PRKCQ: variants seen among roughly 807,000 people sequenced by gnomAD.
The protein encoded by PRKCQ is protein kinase C theta type.
PRKCQ carries 41 observed loss-of-function variants against 91.2 expected under a neutral mutation model. The ratio of observed to expected loss-of-function variants is 0.45; its 90% confidence interval spans 0.35 to 0.58. PRKCQ has a LOEUF of 0.58. Ranked by LOEUF, PRKCQ falls within the 20% of genes least tolerant of loss-of-function variation. The pLI is 0.00. For synonymous variants in PRKCQ, 307 were observed against 316.9 expected (o/e 0.97, Z 0.33); for missense variants, 673 against 896.5 (o/e 0.75, Z 3.18).
At chr10:6,463,670 A>G (rs953408249) in intron 13 of PRKCQ, among the ~76,000 whole-genome samples, 25 of 152,318 alleles carry the variant, frequency 1.6e-4, no homozygotes, top group African/African-American at 5.3e-4. Flanking sequence ...CGCTGAGCAA[A>G]GGAAGCTAGC....
chr10:6,441,772 T>C, intron 16 of PRKCQ, 121 bp downstream of exon 16: 1 of 1,046,920 alleles, frequency 9.6e-7, no homozygotes, highest in Non-Finnish European at 1.4e-6. Context: ...ACATCCCATT[T>C]AAACCCAGTT....
the PRKCQ span, among the ~76,000 whole-genome samples, chr10:6,400,744 T>A: frequency 1.3e-5 from 2 of 148,834 alleles, no homozygotes; most frequent in South Asian, 4.2e-4. Flanking sequence ...ATCTGCCAGC[T>A]GGCATGCACC....
intron 1 of PRKCQ, among the ~76,000 whole-genome samples, chr10:6,536,835 A>G (rs11259434): frequency 0.08 from 12,150 of 152,300 alleles, 574 homozygotes; most frequent in Middle Eastern, 0.11. Flanking sequence ...AGAATTAAAA[A>G]CAGCCAGAGC....
intron 2 of PRKCQ, 73 bp from the exon 3 acceptor site, chr10:6,511,267 T>TTGAGTTG: frequency 7.4e-7 from 1 of 1,353,038 alleles, no homozygotes. Context: ...AACTCAACAG[T>TTGAGTTG]AGCACCTGCT....
chr10:6,576,717 T>G lies in PRKCQ; in HGVS notation c.-10+3494A>C, dbSNP rs1841251918. 6.6e-6 allele frequency among the ~76,000 whole-genome samples: 1 copy of G among 152,204 alleles called. No individual in the cohort carries two copies. Among genetic ancestry groups the G allele is most frequent in the African/African-American group, 2.4e-5 (1 of 41,452 alleles). On this transcript the variant is annotated intron_variant, in intron 1 of 17. Coordinates refer to ENST00000263125, the MANE Select transcript of PRKCQ (RefSeq NM_006257.5). The surrounding 1 kb of genome is among the most constrained non-coding windows in gnomAD (Gnocchi z 4.2). ...AAGTTAAATTTTAAGTTATGTGTAT[T>G]TTAACCACAATAAAAAAGTTAACTG...
chr10:6,445,032 G>T (rs1042269630), intron 15 of PRKCQ, among the ~76,000 whole-genome samples: 2 of 144,752 alleles, frequency 1.4e-5, no homozygotes, highest in Non-Finnish European at 3.0e-5. Context: ...GCTGAGGCAG[G>T]AGAATCGCTT....
intron 9 of PRKCQ, 69 bp from the exon 10 acceptor site, chr10:6,485,338 G>T: frequency 2.5e-6 from 3 of 1,211,064 alleles, no homozygotes; most frequent in Non-Finnish European, 2.4e-6. Flanking sequence ...GCCTGCTAAC[G>T]ATGGGGACAA....
At chr10:6,534,471 T>C (rs990913117) in intron 1 of PRKCQ, among the ~76,000 whole-genome samples, 1 of 152,092 alleles carries the variant, frequency 6.6e-6, no homozygotes, top group Admixed American at 6.6e-5. Flanking sequence ...ATATGAATTA[T>C]GAAGCAGATC....
chr10:6,402,608 C>T, the PRKCQ span, among the ~76,000 whole-genome samples: 3 of 152,182 alleles, frequency 2.0e-5, no homozygotes, highest in African/African-American at 7.2e-5. Context: ...TCCGAGCTTT[C>T]TTGTATAAAG....
chr10:6,455,286 C>A (rs1367594433), intron 15 of PRKCQ, among the ~76,000 whole-genome samples: 1 of 151,998 alleles, frequency 6.6e-6, no homozygotes, highest in African/African-American at 2.4e-5. Flanking sequence ...TGTATCTGTG[C>A]CAAACTGAAT....
intron 1 of PRKCQ, among the ~76,000 whole-genome samples, chr10:6,524,603 C>T (rs185156411): frequency 1.3e-4 from 20 of 152,338 alleles, no homozygotes; most frequent in African/African-American, 4.8e-4. Flanking sequence ...AGACTTTCTC[C>T]TAGATGAGAA....
chr10:6,439,005 G>T (rs903651482), intron 16 of PRKCQ, among the ~76,000 whole-genome samples: 10 of 152,224 alleles, frequency 6.6e-5, no homozygotes, highest in African/African-American at 2.2e-4. Flanking sequence ...TATTTAGCAT[G>T]TTGTATTGAC....
the PRKCQ span, among the ~76,000 whole-genome samples, chr10:6,409,018 T>A: frequency 6.6e-6 from 1 of 152,376 alleles, no homozygotes; most frequent in Non-Finnish European, 1.5e-5. Flanking sequence ...GTGAATTTTG[T>A]GCAGTTTGCT....
chr10:6,568,559 G>A (rs1183619618), intron 1 of PRKCQ, among the ~76,000 whole-genome samples: 2 of 149,446 alleles, frequency 1.3e-5, no homozygotes, highest in Admixed American at 6.7e-5. Context: ...CTGCAGTGGC[G>A]TGATCTTGGT....
At chr10:6,470,177 A>G (rs1564326866) in intron 12 of PRKCQ, among the ~76,000 whole-genome samples, 1 of 152,122 alleles carries the variant, frequency 6.6e-6, no homozygotes, top group East Asian at 1.9e-4. Flanking sequence ...TCTTCACCAC[A>G]TTAAATATAT....
At chr10:6,534,795 T>TAG (rs1388064440) in intron 1 of PRKCQ, among the ~76,000 whole-genome samples, 2 of 127,264 alleles carry the variant, frequency 1.6e-5, no homozygotes, top group African/African-American at 6.0e-5. Flanking sequence ...TATATATAGA[T>TAG]ATATATATAT....
intron 1 of PRKCQ, among the ~76,000 whole-genome samples, chr10:6,578,793 A>C (rs777740840): frequency 2.0e-5 from 3 of 152,206 alleles, no homozygotes; most frequent in Non-Finnish European, 2.9e-5. Context: ...TAGACACAGC[A>C]CTTTTAAAAG....
intron 17 of PRKCQ, among the ~76,000 whole-genome samples, chr10:6,429,977 C>A (rs772468904): frequency 1.9e-4 from 28 of 150,722 alleles, no homozygotes; most frequent in Admixed American, 3.3e-4. Context: ...ACCTCAGCCT[C>A]CCGAGTAGCC....
At chr10:6,426,439 T>G (rs983713268), downstream of PRKCQ, among the ~76,000 whole-genome samples, 4 of 152,164 alleles carry the variant, frequency 2.6e-5, no homozygotes, top group Non-Finnish European at 4.4e-5. Context: ...TTGGTAAACA[T>G]GTGTGAGCAT....
Sources: gnomAD v4.1 joint callset for allele counts (sites outside exome capture counted in the v4.1 genomes callset) on GRCh38, gnomAD v4.1.1 for gene constraint, Gnocchi (gnomAD v3.1) non-coding constraint, MANE v1.5 for transcripts, NCBI Gene and HGNC (gene_info 2026-07-23, HGNC 2026-07-21) for gene names.